Variants in CFHR5 observed in about 807,000 individuals in gnomAD.
The protein encoded by CFHR5 is complement factor H related 5.
CFHR5 carries 73 observed loss-of-function variants against 62.9 expected under a neutral mutation model. The ratio of observed to expected loss-of-function variants is 1.16; its 90% CI spans 0.96 to 1.41. The LOEUF is 1.41. Among genes scored for constraint, CFHR5 ranks in the 40% most tolerant of loss-of-function variants. The probability of loss-of-function intolerance (pLI) is 0.00; values close to 1 mark genes in which losing one functional copy is unlikely to be tolerated. For synonymous variants in CFHR5, 249 were observed against 227.2 expected, an observed-to-expected ratio of 1.10 and a Z score of -0.86; for missense variants, 779 against 679.9, an observed-to-expected ratio of 1.15 and a Z score of -1.62.
chr1:196,983,079 A>G lies in CFHR5; in HGVS notation c.253A>G (p.Arg85Gly), dbSNP rs372885376. 1.2e-5 allele frequency: 20 copies of G among 1,611,134 alleles called. No homozygotes were observed. The highest frequency in any genetic ancestry group is 1.6e-5 in the Non-Finnish European group (19 of 1,177,434). The change falls in exon 2 of 10, where the codon AGA becomes GGA. Residue 85 changes from arginine (R) to glycine (G), a missense_variant and splice_region_variant. Arg to Gly is a moderately radical substitution (Grantham distance 125). Transcript: ENST00000256785. ...EGWSPTPKCL[R>G]MCSFPFVKNG... ...ATGGTCACCAACACCGAAGTGTCTC[A>G]GTGAGTAAATGCCCTGTTCATTAAA...
chr1:197,004,620 A>T, intron 8 of CFHR5, 41 bp from the exon 9 acceptor site: 1 of 1,501,844 alleles, frequency 6.7e-7, no homozygotes, highest in Middle Eastern at 1.7e-4. Flanking sequence ...TATTTTGTTT[A>T]AACTAACATA....
At chr1:196,989,511 C>T (rs1287059782) in intron 3 of CFHR5, among the ~76,000 whole-genome samples, 1 of 152,082 alleles carries the variant, frequency 6.6e-6, no homozygotes, top group Admixed American at 6.6e-5. Context: ...TCATTTAGTA[C>T]TATAAATTTC....
rs1371505412 is a variant in CFHR5 at position 196,984,018 on chromosome 1, A to C, written c.311A>C (p.His104Pro). Residue 104 changes from histidine (H) to proline (P), a missense_variant, in exon 3 of 10, where the codon CAT (histidine) becomes CCT (proline). Coordinates refer to ENST00000256785, the MANE Select transcript of CFHR5 (RefSeq NM_030787.4). ...NGHSESSGLI[H>P]LEGDTVQIIC... ...CATTCTGAATCTTCAGGACTAATAC[A>C]TCTGGAAGGTGATACTGTACAAATT... is the stretch of plus-strand genomic sequence containing the variant. The C allele has an allele frequency of 6.2e-7, 1 of 1,612,846 alleles. No individual in the cohort carries two copies. The highest frequency in any genetic ancestry group is 2.2e-5 in the East Asian group (1 of 44,816).
rs1654358540 is a variant in CFHR5, at chr1:197,008,673, T to C, written c.1700T>C (p.Ile567Thr). The C allele has an allele frequency of 1.2e-6, 2 of 1,612,000 alleles. No individual in the cohort carries two copies. Among genetic ancestry groups the C allele is most frequent in the East Asian group, 2.2e-5 (1 of 44,792 alleles). Residue 567 changes from isoleucine (I) to threonine (T), a missense_variant, in exon 10 of 10, where the codon ATA becomes ACA. Physicochemically the swap from Ile to Thr is moderately conservative, Grantham distance 89. Coordinates refer to ENST00000256785, the MANE Select transcript of CFHR5 (RefSeq NM_030787.4). ...CAGGAAGGGAAATTTGAATATCCTA[T>C]ATGTGAATGAAGCAAGCATAATTTT... The part of the protein sequence containing the change: ...ICQEGKFEYP[I>T]CE
intron 6 of CFHR5, among the ~76,000 whole-genome samples, chr1:196,997,662 A>T (rs543931777): frequency 6.6e-6 from 1 of 152,250 alleles, no homozygotes; most frequent in Non-Finnish European, 1.5e-5. Context: ...AGCTTTTGAA[A>T]TGTGAGTCAT....
chr1:196,995,891 C>A lies in CFHR5; in HGVS notation c.782C>A (p.Thr261Asn), dbSNP rs1653977921. The A allele has an allele frequency of 6.2e-7, 1 of 1,612,096 alleles. No individual in the cohort carries two copies. Among genetic ancestry groups the A allele is most frequent in the Non-Finnish European group, 8.5e-7 (1 of 1,178,542 alleles). Residue 261 changes from threonine (T) to asparagine (N), a missense_variant, in exon 5 of 10, where the codon ACT (threonine) becomes AAT (asparagine). Physicochemically the swap from Thr to Asn is moderately conservative, Grantham distance 65. Coordinates refer to ENST00000256785, the MANE Select transcript of CFHR5 (RefSeq NM_030787.4). ...CVDGEWTTLP[T>N]CVEQVKTCGY... is the part of the protein sequence containing the mutation. Reference sequence around the variant, plus strand: ...GATGGAGAATGGACAACTTTACCCACTTGTGTTGGTAAATAAATATTAACA... The same window carrying A: ...GATGGAGAATGGACAACTTTACCCAATTGTGTTGGTAAATAAATATTAACA...
intron 6 of CFHR5, among the ~76,000 whole-genome samples, chr1:196,996,800 C>G (rs1654001753): frequency 1.3e-5 from 2 of 152,048 alleles, no homozygotes; most frequent in Non-Finnish European, 2.9e-5. Context: ...CCATAATTCT[C>G]TTATTTCTAT....
rs766096486 is a variant in CFHR5, at chr1:196,984,019, T to C, written c.312T>C (p.His104=). 3.7e-6 allele frequency: 6 copies of C among 1,612,728 alleles called. No individual in the cohort carries two copies. The East Asian group carries it at 8.9e-5, about 24-fold the overall frequency. The change falls in exon 3 of 10, where the codon CAT becomes CAC. Residue 104 remains histidine, a synonymous_variant. Coordinates refer to ENST00000256785, the MANE Select transcript of CFHR5 (RefSeq NM_030787.4). ...NGHSESSGLI[H]LEGDTVQIIC... ...ATTCTGAATCTTCAGGACTAATACATCTGGAAGGTGATACTGTACAAATTA... is the reference window on the plus strand; with the variant it reads ...ATTCTGAATCTTCAGGACTAATACACCTGGAAGGTGATACTGTACAAATTA...
Position 196,996,077 on chromosome 1 carries a change from G to A in CFHR5, c.846G>A (p.Pro282=), listed in dbSNP as rs754917131. 90 of 1,613,664 alleles carry A rather than the reference G, an allele frequency of 5.6e-5. 1 individual carries two copies. Among genetic ancestry groups the A allele is most frequent in the South Asian group, 4.2e-4 (38 of 91,078 alleles). Residue 282 remains proline (P), a synonymous_variant, in exon 6 of 10, where the codon CCG becomes CCA. Transcript: ENST00000256785. The part of the protein sequence containing the change: ...IPELEYGYVQ[P]SVPPYQHGVS... ...AACTCGAGTACGGTTATGTTCAGCC[G>A]TCTGTCCCTCCCTATCAACATGGAG...
chr1:196,978,312 ACTT>A (rs1443141343), intron 1 of CFHR5, among the ~76,000 whole-genome samples: 2 of 152,054 alleles, frequency 1.3e-5, no homozygotes, highest in Non-Finnish European at 2.9e-5. Context: ...ATAATATATC[ACTT>A]CTTTATTAAT....
At chr1:197,006,391 G>T (rs769347225) in intron 9 of CFHR5, among the ~76,000 whole-genome samples, 1 of 150,140 alleles carries the variant, frequency 6.7e-6, no homozygotes, top group Non-Finnish European at 1.5e-5. Context: ...TGAGATAGGA[G>T]ATTAAGATTA....
chr1:197,002,389 C>T, intron 7 of CFHR5, 93 bp from the exon 8 acceptor site: 2 of 822,044 alleles, frequency 2.4e-6, no homozygotes, highest in Admixed American at 2.0e-5. Context: ...GTGTGTGTGT[C>T]ATTGAATCTT....
chr1:197,007,567 A>G (rs1654320388), intron 9 of CFHR5, among the ~76,000 whole-genome samples: 1 of 151,184 alleles, frequency 6.6e-6, no homozygotes, highest in Non-Finnish European at 1.5e-5. Context: ...TAATATACAT[A>G]CAAGTGTATA....
chr1:197,004,969 A>G lies in CFHR5; in HGVS notation c.1513+126A>G, dbSNP rs548732897. The G allele has an allele frequency of 6.8e-5, 52 of 768,738 alleles. No homozygotes were observed. In the East Asian group the frequency reaches 1.2e-3, roughly 18 times the overall value. The allele number at this position is 768,738 out of a possible 1,614,324, so 47.6% of individuals were successfully genotyped here. A position where few individuals can be genotyped will look rare whatever the true frequency, so the allele number is the denominator to read the frequency against. ...TCAAAATCTTTCCTGTCAAATGTAA[A>G]TACATACAAGGAAACATTTGAAAAA... On this transcript the variant is annotated intron_variant, in intron 9 of 9. Coordinates refer to ENST00000256785, the MANE Select transcript of CFHR5 (RefSeq NM_030787.4).
chr1:197,002,177 A>C lies in CFHR5; in HGVS notation c.1148-305A>C, dbSNP rs145284987. 7.0e-3 allele frequency among the ~76,000 whole-genome samples: 1,071 copies of C among 152,292 alleles called. 15 individuals carry two copies. The highest frequency in any genetic ancestry group is 0.025 in the African/African-American group (1,030 of 41,574). ...TGGGTTAGTTAGAAAAAAATTAAAG[A>C]AATTTATTTGTAAATTATACAAGAG... On this transcript the variant is annotated intron_variant, in intron 7 of 9. Coordinates refer to ENST00000256785, the MANE Select transcript of CFHR5 (RefSeq NM_030787.4).
At position 196,998,137 on chromosome 1, in the gene CFHR5, A is replaced by AACTT. The variant is rs1654042280; in HGVS notation, c.982_985dup (p.Lys329ThrfsTer2). 6.5e-7 allele frequency: 1 copy of AACTT among 1,542,116 alleles called. No individual in the cohort carries two copies. Among genetic ancestry groups the AACTT allele is most frequent in the African/African-American group, 1.4e-5 (1 of 72,634 alleles). On this transcript the variant is annotated frameshift_variant, in exon 7 of 10. Transcript: ENST00000256785. LOFTEE classifies it high-confidence loss of function. ...ATATTATTTTTTATAGCAACACACC[A>AACTT]ACTTAAGAGGTGCAAAATAGCAGGA...
At chr1:196,978,536 G>A (rs936877876) in intron 1 of CFHR5, among the ~76,000 whole-genome samples, 1 of 152,046 alleles carries the variant, frequency 6.6e-6, no homozygotes, top group African/African-American at 2.4e-5. Context: ...GCTTTCTAAT[G>A]TTTACAGATC....
At position 196,984,196 on chromosome 1, in the gene CFHR5, T is replaced by C. The variant is rs1199149760; in HGVS notation, c.430+59T>C. The C allele has an allele frequency of 1.5e-5, 20 of 1,367,700 alleles. No individual in the cohort carries two copies. The Admixed American group carries it at 2.1e-4, about 14-fold the overall frequency. The allele number at this position is 1,367,700 out of a possible 1,614,324, so 84.7% of individuals were successfully genotyped here. A position where few individuals can be genotyped will look rare whatever the true frequency, so the allele number is the denominator to read the frequency against. On this transcript the variant is annotated intron_variant, in intron 3 of 9. Transcript: ENST00000256785. ...TTATTTAAAGAAATAAATCTATAGT[T>C]TATAGATTAAATATAGGTTAAATAT...
Position 196,981,829 on chromosome 1 carries a change from T to A in CFHR5, c.59-1056T>A, listed in dbSNP as rs1044187216. 2.0e-5 allele frequency among the ~76,000 whole-genome samples: 3 copies of A among 152,026 alleles called. No homozygotes were observed. The South Asian group carries it at 6.2e-4, about 32-fold the overall frequency. ...TTTATAATATCTAACATAATGTAAA[T>A]ACTATATAAATAATTGTTATATTGT... On this transcript the variant is annotated intron_variant, in intron 1 of 9. Coordinates refer to ENST00000256785, the MANE Select transcript of CFHR5 (RefSeq NM_030787.4).
Sources: gnomAD v4.1 joint callset for allele counts (sites outside exome capture counted in the v4.1 genomes callset) on GRCh38, gnomAD v4.1.1 for gene constraint, MANE v1.5 for transcripts, NCBI Gene and HGNC (gene_info 2026-07-23, HGNC 2026-07-21) for gene names.